The following GBE1 variants were observed in gnomAD, a reference collection of about 807,000 sequenced individuals.
The protein encoded by GBE1 is 1,4-alpha-glucan branching enzyme 1.
In GBE1, 70 loss-of-function variants were observed where a neutral mutation model predicts 88.8. The observed-to-expected ratio is 0.79, with a 90% confidence interval of 0.65 to 0.96. The LOEUF (loss-of-function observed/expected upper bound fraction) is 0.96. Ranked by LOEUF, GBE1 falls within the 40% of genes least tolerant of loss-of-function variation. The pLI is 0.00. For synonymous variants in GBE1, 284 were observed against 300.1 expected (o/e 0.95, Z 0.56); for missense variants, 872 against 871.0 (o/e 1.00, Z -0.01).
intron 1 of GBE1, among the ~76,000 whole-genome samples, chr3:81,752,742 C>T (rs1442694492): frequency 1.3e-5 from 2 of 151,860 alleles, no homozygotes; most frequent in East Asian, 1.9e-4. Flanking sequence ...ACAATCACTC[C>T]TACTAACAAA....
At chr3:81,722,629 G>A (rs1030874220) in intron 1 of GBE1, among the ~76,000 whole-genome samples, 13 of 151,720 alleles carry the variant, frequency 8.6e-5, no homozygotes, top group African/African-American at 3.1e-4. Flanking sequence ...GAAGAAATGA[G>A]GACAGCCAAA....
rs189862482 is a variant in GBE1, at chr3:81,738,536, T to A, written c.143+22839A>T. On this transcript the variant is annotated intron_variant, in intron 1 of 15. Coordinates refer to ENST00000429644, the MANE Select transcript of GBE1 (RefSeq NM_000158.4). Reference sequence around the variant, plus strand: ...GAGCAAAAAATGTGTGTTTTTTTTTTAAAAAAAAAGACTCTTCACAGGTTG... The same window carrying A: ...GAGCAAAAAATGTGTGTTTTTTTTTAAAAAAAAAAGACTCTTCACAGGTTG... Among the ~76,000 whole-genome samples the A allele has an allele frequency of 8.3e-3, 1,254 of 150,794 alleles. 2 individuals are homozygous for A. The highest frequency in any genetic ancestry group is 0.011 in the Non-Finnish European group (750 of 67,626).
At chr3:81,529,532 G>C (rs1427196497) in intron 14 of GBE1, among the ~76,000 whole-genome samples, 4 of 151,808 alleles carry the variant, frequency 2.6e-5, no homozygotes, top group Non-Finnish European at 5.9e-5. Flanking sequence ...GTTTGTCTGG[G>C]AAAGTCTTAA....
At chr3:81,590,324 T>C (rs1292067377) in intron 9 of GBE1, among the ~76,000 whole-genome samples, 4 of 152,112 alleles carry the variant, frequency 2.6e-5, no homozygotes, top group Non-Finnish European at 5.9e-5. Flanking sequence ...ATACTTTGTA[T>C]AGAACAGTTT....
At chr3:81,589,758 T>C (rs1703851837) in intron 9 of GBE1, among the ~76,000 whole-genome samples, 1 of 152,080 alleles carries the variant, frequency 6.6e-6, no homozygotes, top group Admixed American at 6.6e-5. Flanking sequence ...ATTTGTAATA[T>C]CTCTGCTTTG....
intron 14 of GBE1, among the ~76,000 whole-genome samples, chr3:81,513,828 G>C (rs1459494066): frequency 6.6e-6 from 1 of 151,548 alleles, no homozygotes; most frequent in Non-Finnish European, 1.5e-5. Flanking sequence ...CTATGAATAG[G>C]TGTTCTAGAG....
rs544069912 is a variant in GBE1, at chr3:81,687,835, C to T, written c.314-16882G>A. ...GAGTAGCATCAAAGAAAAGTAGTCACGTCACAAAACATCGTAGATCGAGAC... is the reference window on the plus strand; with the variant it reads ...GAGTAGCATCAAAGAAAAGTAGTCATGTCACAAAACATCGTAGATCGAGAC... On this transcript the variant is annotated intron_variant, in intron 2 of 15. Transcript: ENST00000429644. Among the ~76,000 whole-genome samples the T allele has an allele frequency of 5.9e-5, 9 of 152,286 alleles. No homozygotes were observed. The East Asian group carries it at 1.3e-3, about 23-fold the overall frequency.
At chr3:81,550,602 G>A (rs1347327184) in intron 12 of GBE1, among the ~76,000 whole-genome samples, 1 of 152,120 alleles carries the variant, frequency 6.6e-6, no homozygotes, top group Admixed American at 6.6e-5. Context: ...ACAGAGGTTG[G>A]CACAAGACAC....
intron 14 of GBE1, among the ~76,000 whole-genome samples, chr3:81,528,281 G>A (rs1003259047): frequency 4.2e-4 from 64 of 151,140 alleles, no homozygotes; most frequent in Admixed American, 1.5e-3. Flanking sequence ...GTTAAATGAC[G>A]AGTTAATGGG....
chr3:81,623,140 T>C (rs926857162), intron 7 of GBE1, among the ~76,000 whole-genome samples: 3 of 152,168 alleles, frequency 2.0e-5, no homozygotes, highest in Non-Finnish European at 4.4e-5. Flanking sequence ...TGAATCTCCT[T>C]ACAAGGGCCT....
rs1559708288 is a variant in GBE1 at position 81,750,537 on chromosome 3, A to ATG, written c.143+10837_143+10838insCA. ...TCTCAAAACATTCATATATATATAT[A>ATG]CGTATATATATATGTATATATATAT... is the stretch of plus-strand genomic sequence containing the variant. On this transcript the variant is annotated intron_variant, in intron 1 of 15. Coordinates refer to ENST00000429644, the MANE Select transcript of GBE1 (RefSeq NM_000158.4). Among the ~76,000 whole-genome samples the ATG allele has an allele frequency of 4.5e-4, 32 of 70,680 alleles. No individual in the cohort carries two copies. The South Asian group carries it at 8.3e-3, about 18-fold the overall frequency. 46.4% of individuals were successfully genotyped at this position (70,680 alleles called of 152,430 possible).
chr3:81,754,764 G>A (rs1368917769), intron 1 of GBE1, among the ~76,000 whole-genome samples: 1 of 152,054 alleles, frequency 6.6e-6, no homozygotes, highest in Non-Finnish European at 1.5e-5. Flanking sequence ...GGGAAAACTG[G>A]ATAACTATAT....
At chr3:81,730,952 G>A (rs950751960) in intron 1 of GBE1, among the ~76,000 whole-genome samples, 31 of 152,092 alleles carry the variant, frequency 2.0e-4, no homozygotes, top group Admixed American at 8.5e-4. Context: ...TTCAAGTAAG[G>A]TATAACCGGT....
chr3:81,643,346 G>A (rs971357023), intron 6 of GBE1, among the ~76,000 whole-genome samples: 9 of 152,066 alleles, frequency 5.9e-5, no homozygotes, highest in African/African-American at 2.2e-4. Flanking sequence ...TACTTACAGG[G>A]TGTACATTTG....
intron 14 of GBE1, among the ~76,000 whole-genome samples, chr3:81,510,475 T>G (rs1342481531): frequency 6.6e-6 from 1 of 152,088 alleles, no homozygotes; most frequent in Non-Finnish European, 1.5e-5. Flanking sequence ...CATGAAAAAC[T>G]GTAAAGCAAA....
At chr3:81,511,047 T>C (rs1209765304) in intron 14 of GBE1, among the ~76,000 whole-genome samples, 1 of 152,028 alleles carries the variant, frequency 6.6e-6, no homozygotes, top group Non-Finnish European at 1.5e-5. Context: ...ATTTATCAGT[T>C]ATGCTTTAAA....
At chr3:81,583,829 C>T (rs777448063) in intron 10 of GBE1, among the ~76,000 whole-genome samples, 2 of 151,956 alleles carry the variant, frequency 1.3e-5, no homozygotes, top group Non-Finnish European at 2.9e-5. Context: ...GTGTTTTGCA[C>T]CTTGAGTATA....
intron 15 of GBE1, among the ~76,000 whole-genome samples, chr3:81,491,908 A>T (rs1163307683): frequency 6.6e-6 from 1 of 152,198 alleles, no homozygotes; most frequent in Non-Finnish European, 1.5e-5. Flanking sequence ...TACTACTCTT[A>T]AAAAAATCAG....
intron 7 of GBE1, among the ~76,000 whole-genome samples, chr3:81,637,671 T>C (rs568785085): frequency 8.5e-5 from 13 of 152,252 alleles, no homozygotes; most frequent in Non-Finnish European, 1.8e-4. Flanking sequence ...AAGTAGTGTA[T>C]GACTTAAAAA....
Sources: gnomAD v4.1 joint callset for allele counts (sites outside exome capture counted in the v4.1 genomes callset) on GRCh38, gnomAD v4.1.1 for gene constraint, MANE v1.5 for transcripts, NCBI Gene and HGNC (gene_info 2026-07-23, HGNC 2026-07-21) for gene names.